The following SIPA1 variants were observed in gnomAD, a reference collection of about 807,000 sequenced individuals.
SIPA1 encodes the protein signal-induced proliferation-associated 1.
In SIPA1, 51 loss-of-function variants were observed where a neutral mutation model predicts 88.1. The observed-to-expected ratio is 0.58, with a 90% confidence interval of 0.46 to 0.73. The LOEUF is 0.73. SIPA1 is among the 30% of genes least tolerant of loss of function. The pLI, the probability that SIPA1 is intolerant of heterozygous loss-of-function variation, is 0.00. For synonymous variants in SIPA1, 681 were observed against 664.8 expected (o/e 1.02, Z -0.37); for missense variants, 1,348 against 1,467.6 (o/e 0.92, Z 1.33).
intron 1 of SIPA1, 76 bp from the exon 2 acceptor site, chr11:65,640,755 T>G: frequency 1.8e-6 from 1 of 561,832 alleles, no homozygotes; most frequent in South Asian, 2.7e-5. Context: ...CCAACACGGG[T>G]GGTGGAGGAC....
intron 4 of SIPA1, among the ~76,000 whole-genome samples, chr11:65,644,628 G>A (rs1302325460): frequency 1.8e-4 from 27 of 151,934 alleles, no homozygotes; most frequent in Admixed American, 1.6e-3. Context: ...AGGGGCTGGG[G>A]TGGGGGTGCC....
chr11:65,648,301 C>G (rs1435250090), intron 9 of SIPA1, among the ~76,000 whole-genome samples: 2 of 152,104 alleles, frequency 1.3e-5, no homozygotes, highest in Non-Finnish European at 2.9e-5. Flanking sequence ...ACACACTACA[C>G]ACTATTGATA....
At chr11:65,644,670 C>A (rs1856072539) in intron 4 of SIPA1, among the ~76,000 whole-genome samples, 1 of 151,788 alleles carries the variant, frequency 6.6e-6, no homozygotes. Context: ...ACAGTCCAGC[C>A]TTGAGATAAG....
Position 65,646,155 on chromosome 11 carries a change from G to A in SIPA1, c.1264-66G>A. 1.3e-6 allele frequency: 2 copies of A among 1,573,836 alleles called. No individual in the cohort carries two copies. Among genetic ancestry groups the A allele is most frequent in the Non-Finnish European group, 1.7e-6 (2 of 1,153,450 alleles). On this transcript the variant is annotated intron_variant, in intron 6 of 15. Transcript: ENST00000534313. The surrounding 1 kb of genome is among the most constrained non-coding windows in gnomAD (Gnocchi z 7.5). ...GCCATTGGTGCCTTGGCTTTCTCCT[G>A]CCTGAATGAGGAGGGGTTTGGGGCA... is the stretch of plus-strand genomic sequence containing the variant.
intron 4 of SIPA1, among the ~76,000 whole-genome samples, chr11:65,643,123 G>A (rs1342065322): frequency 3.3e-5 from 5 of 152,076 alleles, no homozygotes; most frequent in Admixed American, 3.3e-4. Flanking sequence ...TACCATGTTG[G>A]CCACGCTGGT....
chr11:65,650,566 CAGG>C lies in SIPA1; in HGVS notation c.2983_2985del (p.Glu995del). 6.2e-7 allele frequency: 1 copy of C among 1,606,646 alleles called. No homozygotes were observed. Among genetic ancestry groups the C allele is most frequent in the East Asian group, 2.2e-5 (1 of 44,480 alleles). On this transcript the variant is annotated splice_acceptor_variant and coding_sequence_variant, in exon 16 of 16. Coordinates refer to ENST00000534313, the MANE Select transcript of SIPA1 (RefSeq NM_006747.4). LOFTEE classifies it high-confidence loss of function. ...TCTGACTCCTGTCTCCCCGGCACCC[CAGG>C]AGAAGGCGGACAGGGCGGCCCTGGA...
Position 65,645,215 on chromosome 11 carries a change from A to G in SIPA1, c.1159+86A>G, listed in dbSNP as rs548405894. ...GCCTTGTCACTCCTTTGTCCGTACA[A>G]TCCTGGGGCTGGGGACTGGAGAGTT... On this transcript the variant is annotated intron_variant, in intron 5 of 15. Transcript: ENST00000534313. 1.1e-4 allele frequency: 150 copies of G among 1,358,792 alleles called. No homozygotes were observed. In the African/African-American group the frequency reaches 1.7e-3, roughly 16 times the overall value. 84.2% of individuals were successfully genotyped at this position (1,358,792 alleles called of 1,614,324 possible).
Position 65,650,153 on chromosome 11 carries a change from A to G in SIPA1, c.2864A>G (p.Glu955Gly), listed in dbSNP as rs931418207. Residue 955 changes from glutamate (E) to glycine (G), a missense_variant, in exon 14 of 16, where the codon GAG (glutamate) becomes GGG (glycine). By Grantham distance (98) the Glu-to-Gly change is moderately conservative (BLOSUM62 -2). Transcript: ENST00000534313. ...GTCCCCACAGGACAGCCCATCCCAG[A>G]GAGTGGAGACCCTAAGGGAACTCCA... is the stretch of plus-strand genomic sequence containing the variant. Reference protein sequence around the residue: ...SLSREGQPIPESGDPKGTPKS... With the variant: ...SLSREGQPIPGSGDPKGTPKS... 3 of 1,614,104 alleles carry G rather than the reference A, an allele frequency of 1.9e-6. No homozygotes were observed. Among genetic ancestry groups the G allele is most frequent in the African/African-American group, 1.3e-5 (1 of 75,020 alleles).
In SIPA1 at chr11:65,642,764, G is replaced by C. The variant is rs951559758; in HGVS notation, c.984+125G>C. ...CTGGGTGGTGACCCCAGAAGAGCTG[G>C]CTTTTCAGAGACAGGGCATCAGAGT... On this transcript the variant is annotated intron_variant, in intron 4 of 15. Coordinates refer to ENST00000534313, the MANE Select transcript of SIPA1 (RefSeq NM_006747.4). The surrounding 1 kb of genome is among the most constrained non-coding windows in gnomAD (Gnocchi z 6.5). 9 of 894,020 alleles carry C rather than the reference G, an allele frequency of 1.0e-5. No individual in the cohort carries two copies. Among genetic ancestry groups the C allele is most frequent in the Non-Finnish European group, 1.1e-5 (7 of 619,024 alleles). 55.4% of individuals were successfully genotyped at this position (894,020 alleles called of 1,614,324 possible).
Position 65,642,139 on chromosome 11 carries a change from C to A in SIPA1, c.680-111C>A. 7.1e-7 allele frequency: 1 copy of A among 1,415,548 alleles called. No homozygotes were observed. The highest frequency in any genetic ancestry group is 9.5e-7 in the Non-Finnish European group (1 of 1,049,006). The allele number at this position is 1,415,548 out of a possible 1,614,324, so 87.7% of individuals were successfully genotyped here. ...GGGGCGGGACTTAGTCTAGGGTCAA[C>A]ATTTGGTGGTGAGATGAAGCCTAGG... On this transcript the variant is annotated intron_variant, in intron 2 of 15. Coordinates refer to ENST00000534313, the MANE Select transcript of SIPA1 (RefSeq NM_006747.4). This position sits in a 1 kb window ranked among gnomAD's most constrained non-coding sequence, Gnocchi z 6.5.
intron 1 of SIPA1, chr11:65,638,510 A>G (rs1333054441): frequency 6.6e-6 from 1 of 151,742 alleles, no homozygotes; most frequent in South Asian, 2.1e-4. Flanking sequence ...GCTCCCCCTT[A>G]TTCTGAGGCT....
In SIPA1 at chr11:65,647,644, C is replaced by A; in HGVS notation, c.2292C>A (p.Ser764Arg). The change falls in exon 9 of 16, where the codon AGC (serine) becomes AGA (arginine). Residue 764 changes from serine (S) to arginine (R), a missense_variant. By Grantham distance (110) the Ser-to-Arg change is moderately radical. Transcript: ENST00000534313. Reference protein sequence around the residue: ...VCVTVLPPDESGRPRRSFSEL... With the variant: ...VCVTVLPPDERGRPRRSFSEL... The stretch of plus-strand genomic sequence containing the variant: ...TCACCGTCCTGCCCCCCGACGAGAG[C>A]GGCCGGCCCCGCAGGTCAGGGTGCC... 1.5e-6 allele frequency: 2 copies of A among 1,372,356 alleles called. No homozygotes were observed. Among genetic ancestry groups the A allele is most frequent in the East Asian group, 6.5e-5 (2 of 30,650 alleles). The allele number at this position is 1,372,356 out of a possible 1,614,324, so 85.0% of individuals were successfully genotyped here.
rs1855933914 is a variant in SIPA1, at chr11:65,638,166, G to GGGCGGGAGCCCCAGAGGTACT, written c.-98_-92+14dup. 6.6e-6 allele frequency: 1 copy of GGGCGGGAGCCCCAGAGGTACT among 152,416 alleles called. No homozygotes were observed. Among genetic ancestry groups the GGGCGGGAGCCCCAGAGGTACT allele is most frequent in the Non-Finnish European group, 1.5e-5 (1 of 68,132 alleles). The allele number at this position is 152,416 out of a possible 1,614,324, so 9.4% of individuals were successfully genotyped here. A position where few individuals can be genotyped will look rare whatever the true frequency, so the allele number is the denominator to read the frequency against. On this transcript the variant is annotated 5_prime_UTR_variant, in exon 1 of 16. Transcript: ENST00000534313. ...GACCCCAGCGCGGGCGGCGGCGGCT[G>GGGCGGGAGCCCCAGAGGTACT]GGCGGGAGCCCCAGAGGTACTGGCG... is the stretch of plus-strand genomic sequence containing the variant.
chr11:65,645,801 C>T (rs1856099289), intron 5 of SIPA1, 53 bp from the exon 6 acceptor site: 5 of 1,353,480 alleles, frequency 3.7e-6, no homozygotes, highest in African/African-American at 1.4e-5. Context: ...AAGTTCAAGC[C>T]ACTTAGATTC....
chr11:65,646,939 C>G lies in SIPA1; in HGVS notation c.1905C>G (p.Arg635=). 6.5e-7 allele frequency: 1 copy of G among 1,536,994 alleles called. No individual in the cohort carries two copies. The highest frequency in any genetic ancestry group is 8.7e-7 in the Non-Finnish European group (1 of 1,146,952). The part of the protein sequence containing the change: ...DGRVVFNCAC[R]DVLAWTFSEQ... Reference sequence around the variant, plus strand: ...GCGTAGTGTTCAATTGCGCCTGTCGCGACGTGCTGGCCTGGACCTTCTCCG... The same window carrying G: ...GCGTAGTGTTCAATTGCGCCTGTCGGGACGTGCTGGCCTGGACCTTCTCCG... The change falls in exon 8 of 16, where the codon CGC becomes CGG. Residue 635 remains arginine (R), a synonymous_variant. Coordinates refer to ENST00000534313, the MANE Select transcript of SIPA1 (RefSeq NM_006747.4). This position sits in a 1 kb window ranked among gnomAD's most constrained non-coding sequence, Gnocchi z 7.5.
At position 65,641,388 on chromosome 11, in the gene SIPA1, C is replaced by G; in HGVS notation, c.467C>G (p.Ser156Trp). 1 of 1,613,278 alleles carries G rather than the reference C, an allele frequency of 6.2e-7. No homozygotes were observed. Residue 156 changes from serine to tryptophan, a missense_variant, in exon 2 of 16, where the codon TCG becomes TGG. By Grantham distance (177) the Ser-to-Trp change is radical (BLOSUM62 -3). Transcript: ENST00000534313. ...LASAEDQAAS[S>W]DLLHGAPGFV... is the part of the protein sequence containing the mutation. The stretch of plus-strand genomic sequence containing the variant: ...TCAGCCGAGGACCAGGCTGCCAGCT[C>G]GGACCTGCTGCATGGGGCACCTGGC...
rs964035591 is a variant in SIPA1 at position 65,642,800 on chromosome 11, C to G, written c.984+161C>G. 2.0e-5 allele frequency among the ~76,000 whole-genome samples: 3 copies of G among 152,198 alleles called. No homozygotes were observed. The highest frequency in any genetic ancestry group is 4.4e-5 in the Non-Finnish European group (3 of 68,044). On this transcript the variant is annotated intron_variant, in intron 4 of 15. Transcript: ENST00000534313. The surrounding 1 kb of genome is among the most constrained non-coding windows in gnomAD (Gnocchi z 6.5). Reference sequence around the variant, plus strand: ...ACAGGGCATCAGAGTTCATCTGGAGCCTTGCGTCTCAAAGTGAGCTCTGTA... The same window carrying G: ...ACAGGGCATCAGAGTTCATCTGGAGGCTTGCGTCTCAAAGTGAGCTCTGTA...
chr11:65,650,311 CG>C (rs1302013018), intron 14 of SIPA1, 89 bp from the exon 15 acceptor site: 233 of 1,545,078 alleles, frequency 1.5e-4, no homozygotes, highest in Non-Finnish European at 2.0e-4. Flanking sequence ...AGAAGACCAG[CG>C]GGGCCCCTCT....
At chr11:65,644,932 T>G in intron 4 of SIPA1, 23 bp from the exon 5 acceptor site, 2 of 1,603,406 alleles carry the variant, frequency 1.2e-6, no homozygotes, top group Middle Eastern at 1.7e-4. Context: ...CTGAGACCTA[T>G]GCCTTCTGTC....
Sources: allele counts gnomAD v4.1 joint callset (sites outside exome capture counted in the v4.1 genomes callset), GRCh38; gene constraint gnomAD v4.1.1; non-coding constraint Gnocchi (gnomAD v3.1); transcripts MANE v1.5; gene names NCBI Gene and HGNC (gene_info 2026-07-23, HGNC 2026-07-21).